The following BMPER variants were observed in gnomAD, a reference collection of about 807,000 sequenced individuals.
BMPER encodes the protein BMP binding endothelial regulator, also known as BMP-binding endothelial regulator protein.
In BMPER, 45 loss-of-function variants were observed where a neutral mutation model predicts 87.3. The ratio of observed to expected loss-of-function variants is 0.52; its 90% CI spans 0.41 to 0.66. The LOEUF (loss-of-function observed/expected upper bound fraction) is 0.66. Ranked by LOEUF, BMPER falls within the 30% of genes least tolerant of loss-of-function variation. BMPER has a pLI of 0.00. For missense variants in BMPER, 784 were observed against 867.5 expected (o/e 0.90, Z 1.21); for synonymous variants, 326 against 316.2 (o/e 1.03, Z -0.33).
chr7:34,034,588 C>T (rs1787612681), intron 6 of BMPER, among the ~76,000 whole-genome samples: 1 of 152,192 alleles, frequency 6.6e-6, no homozygotes. Context: ...ATGGAAGTCT[C>T]CACTGAAGTG....
intron 6 of BMPER, among the ~76,000 whole-genome samples, chr7:34,004,369 A>G (rs1182122504): frequency 1.3e-5 from 2 of 151,962 alleles, no homozygotes; most frequent in African/African-American, 2.4e-5. Context: ...TCTTTCTGTA[A>G]TAAGTCCAAC....
intron 13 of BMPER, among the ~76,000 whole-genome samples, chr7:34,141,251 A>G (rs1583476175): frequency 1.3e-5 from 2 of 151,798 alleles, no homozygotes; most frequent in Admixed American, 1.3e-4. Flanking sequence ...TAATGCCTGA[A>G]TGCATTTGCT....
intron 13 of BMPER, among the ~76,000 whole-genome samples, chr7:34,122,551 C>G (rs1478059455): frequency 6.6e-6 from 1 of 152,194 alleles, no homozygotes; most frequent in African/African-American, 2.4e-5. Flanking sequence ...TTTGCCTGCA[C>G]ACAGACACCA....
In BMPER at chr7:33,974,123, A is replaced by G. The variant is rs1488592037; in HGVS notation, c.494-579A>G. Among the ~76,000 whole-genome samples the G allele has an allele frequency of 2.6e-5, 4 of 152,104 alleles. No individual in the cohort carries two copies. In the East Asian group the frequency reaches 7.7e-4, roughly 29 times the overall value. ...TGGGTCAGAACTGATTTTGAATTCT[A>G]GCTCTGCCACCTGCCAGCTGGGGTG... On this transcript the variant is annotated intron_variant, in intron 5 of 14. Coordinates refer to ENST00000649409, the MANE Select transcript of BMPER (RefSeq NM_001365308.1).
chr7:34,112,577 G>A (rs571031672), intron 13 of BMPER, among the ~76,000 whole-genome samples: 1 of 149,436 alleles, frequency 6.7e-6, no homozygotes. Flanking sequence ...TTCATTTTGA[G>A]GTATACGTGC....
chr7:33,971,963 T>C (rs112608621), intron 5 of BMPER, among the ~76,000 whole-genome samples: 3,940 of 152,276 alleles, frequency 0.026, 153 homozygotes, highest in African/African-American at 0.089. Context: ...AGTACAGTGG[T>C]GTGATCTCGG....
At chr7:33,905,216 G>A (rs1783775134), upstream of BMPER, 4 of 309,036 alleles carry the variant, frequency 1.3e-5, no homozygotes, top group South Asian at 1.2e-4. Context: ...CGGCAGCCCG[G>A]GCGGCGGCTG....
chr7:34,055,080 T>C (rs1788246595), intron 8 of BMPER, 83 bp from the exon 9 acceptor site: 1 of 1,571,290 alleles, frequency 6.4e-7, no homozygotes, highest in Non-Finnish European at 8.8e-7. Flanking sequence ...CAGATAGTTA[T>C]GAGTTATGAA....
chr7:33,939,685 T>C (rs1043627916), intron 3 of BMPER, among the ~76,000 whole-genome samples: 1 of 152,212 alleles, frequency 6.6e-6, no homozygotes, highest in African/African-American at 2.4e-5. Context: ...CCCCCTTTGC[T>C]TGGCACTTCT....
chr7:34,086,184 G>A, intron 13 of BMPER, 92 bp downstream of exon 13: 2 of 1,436,076 alleles, frequency 1.4e-6, no homozygotes, highest in Non-Finnish European at 1.9e-6. Flanking sequence ...TTGTTGTGCA[G>A]GACAAAGGCT....
chr7:33,976,184 GCT>G (rs1283061786), intron 6 of BMPER, among the ~76,000 whole-genome samples: 1 of 151,904 alleles, frequency 6.6e-6, no homozygotes, highest in Non-Finnish European at 1.5e-5. Flanking sequence ...ACAGAGTCTT[GCT>G]CTGTCTCCCA....
intron 14 of BMPER, among the ~76,000 whole-genome samples, chr7:34,151,785 A>G (rs1357797860): frequency 6.6e-6 from 1 of 152,204 alleles, no homozygotes; most frequent in Non-Finnish European, 1.5e-5. Flanking sequence ...ATACAGAAAA[A>G]TGTTCATTAT....
chr7:34,034,558 G>A (rs923923958), intron 6 of BMPER, among the ~76,000 whole-genome samples: 4 of 152,154 alleles, frequency 2.6e-5, no homozygotes, highest in Admixed American at 2.0e-4. Flanking sequence ...TGTCCTGGAG[G>A]CCTCAGATGA....
rs1028746587 is a variant in BMPER, at chr7:34,033,186, T to C, written c.577-13120T>C. Among the ~76,000 whole-genome samples, 4 of 152,272 alleles carry C rather than the reference T, an allele frequency of 2.6e-5. 1 individual carries two copies. The South Asian group carries it at 8.3e-4, about 32-fold the overall frequency. On this transcript the variant is annotated intron_variant, in intron 6 of 14. Coordinates refer to ENST00000649409, the MANE Select transcript of BMPER (RefSeq NM_001365308.1). ...ACAGAGTCCATAAACACTTATCAGG[T>C]AGCTACTTATAACAAAAAACATTTA... is the stretch of plus-strand genomic sequence containing the variant.
chr7:34,028,417 C>A (rs1267335713), intron 6 of BMPER, among the ~76,000 whole-genome samples: 1 of 151,718 alleles, frequency 6.6e-6, no homozygotes, highest in Non-Finnish European at 1.5e-5. Context: ...AAACATCAAT[C>A]TGTAGATAAG....
chr7:34,002,595 T>G (rs1786610563), intron 6 of BMPER, among the ~76,000 whole-genome samples: 1 of 151,860 alleles, frequency 6.6e-6, no homozygotes, highest in South Asian at 2.1e-4. Context: ...TCTGCTTAGT[T>G]GTTCTATCTA....
chr7:34,141,849 G>A (rs1276373969), intron 13 of BMPER, among the ~76,000 whole-genome samples: 1 of 152,072 alleles, frequency 6.6e-6, no homozygotes, highest in Non-Finnish European at 1.5e-5. Flanking sequence ...TTCACTGTGG[G>A]TCTGTTGCTC....
intron 2 of BMPER, among the ~76,000 whole-genome samples, chr7:33,919,215 A>C (rs1784158827): frequency 6.6e-6 from 1 of 152,170 alleles, no homozygotes; most frequent in Non-Finnish European, 1.5e-5. Context: ...GAAATTTTTG[A>C]TAGTTGTCTG....
intron 3 of BMPER, among the ~76,000 whole-genome samples, chr7:33,949,799 A>G (rs1057508379): frequency 1.3e-5 from 2 of 152,208 alleles, no homozygotes; most frequent in African/African-American, 2.4e-5. Context: ...CAAAAAAACA[A>G]GAGGGATTTC....
Sources: gnomAD v4.1 joint callset for allele counts (sites outside exome capture counted in the v4.1 genomes callset) on GRCh38, gnomAD v4.1.1 for gene constraint, MANE v1.5 for transcripts, NCBI Gene and HGNC (gene_info 2026-07-23, HGNC 2026-07-21) for gene names.